The following TET3 variants were observed in gnomAD, a reference collection of about 807,000 sequenced individuals.
TET3 encodes tet methylcytosine dioxygenase 3, also known as methylcytosine dioxygenase TET3.
Under a neutral mutation model 141.4 loss-of-function variants are expected in TET3, and 19 were observed. The observed-to-expected ratio is 0.13, with a 90% CI of 0.09 to 0.20. The LOEUF (loss-of-function observed/expected upper bound fraction) is 0.20. Among genes scored for constraint, TET3 ranks in the 10% least tolerant of loss-of-function variants. The pLI, the probability that TET3 is intolerant of heterozygous loss-of-function variation, is 1.00. For synonymous variants in TET3, 1,043 were observed against 980.9 expected, an observed-to-expected ratio of 1.06 and a Z score of -1.18; for missense variants, 1,874 against 2,356.9, an observed-to-expected ratio of 0.80 and a Z score of 4.24.
At chr2:74,008,188 G>A (rs1258337175) in intron 3 of TET3, among the ~76,000 whole-genome samples, 2 of 152,030 alleles carry the variant, frequency 1.3e-5, no homozygotes, top group African/African-American at 4.8e-5. Flanking sequence ...CCTCCATCTT[G>A]GGGACAAAGC....
intron 3 of TET3, among the ~76,000 whole-genome samples, chr2:74,006,083 G>T (rs1685136141): frequency 7.7e-6 from 1 of 130,398 alleles, no homozygotes; most frequent in African/African-American, 4.2e-5. Flanking sequence ...TTTGACCACT[G>T]CAAAAAAAAA....
chr2:73,990,729 A>G (rs6546883), intron 2 of TET3, among the ~76,000 whole-genome samples: 13,874 of 152,254 alleles, frequency 0.091, 1,557 homozygotes, highest in African/African-American at 0.25. Flanking sequence ...GATCTCTGCC[A>G]GATTTGAGTC....
chr2:74,018,918 CT>C (rs1685879960), intron 3 of TET3, among the ~76,000 whole-genome samples: 1 of 152,104 alleles, frequency 6.6e-6, no homozygotes, highest in Non-Finnish European at 1.5e-5. Context: ...GGAAGTAGAC[CT>C]TTCCGTTTAT....
chr2:74,072,527 A>G (rs75251878), intron 4 of TET3, among the ~76,000 whole-genome samples: 2 of 152,050 alleles, frequency 1.3e-5, no homozygotes, highest in Non-Finnish European at 2.9e-5. Context: ...AAAAAAAAAA[A>G]ATGTTTTCAA....
intron 3 of TET3, among the ~76,000 whole-genome samples, chr2:74,032,919 G>A (rs1686833784): frequency 6.6e-6 from 1 of 151,874 alleles, no homozygotes; most frequent in Non-Finnish European, 1.5e-5. Context: ...ATGGGTGGGA[G>A]TTTCAGGCTT....
upstream of TET3, among the ~76,000 whole-genome samples, chr2:73,984,136 GA>G (rs1683878930): frequency 1.3e-5 from 2 of 152,224 alleles, no homozygotes; most frequent in Non-Finnish European, 2.9e-5. The surrounding 1 kb of genome is among the most constrained non-coding windows in gnomAD (Gnocchi z 5.6). Flanking sequence ...GAGGCTGTCC[GA>G]GGCCCTCCTG....
chr2:74,024,588 A>G lies in TET3; in HGVS notation c.360+21422A>G, dbSNP rs926053980. 2.5e-4 allele frequency among the ~76,000 whole-genome samples: 38 copies of G among 151,960 alleles called. 1 individual carries two copies. The highest frequency in any genetic ancestry group is 2.4e-3 in the Admixed American group (37 of 15,260). On this transcript the variant is annotated intron_variant, in intron 3 of 11. Coordinates refer to ENST00000409262, the MANE Select transcript of TET3 (RefSeq NM_001287491.2). ...TGTTAGATGAGCTGAGGGCTGGTGGAAGGGGGATGGGATTAAGTCAGAGAA... is the reference window on the plus strand; with the variant it reads ...TGTTAGATGAGCTGAGGGCTGGTGGGAGGGGGATGGGATTAAGTCAGAGAA...
intron 2 of TET3, among the ~76,000 whole-genome samples, chr2:73,988,989 A>ATT (rs1558689017): frequency 3.1e-5 from 4 of 128,946 alleles, no homozygotes; most frequent in East Asian, 2.4e-4. Context: ...AAAAAAAAAA[A>ATT]GTTTTTTTTG....
At chr2:74,068,218 C>T (rs1458425315) in intron 4 of TET3, among the ~76,000 whole-genome samples, 1 of 151,992 alleles carries the variant, frequency 6.6e-6, no homozygotes, top group Non-Finnish European at 1.5e-5. Flanking sequence ...TACTGGAACA[C>T]AGCTGAACTC....
At chr2:74,058,591 T>G (rs142722171) in intron 4 of TET3, among the ~76,000 whole-genome samples, 1 of 152,264 alleles carries the variant, frequency 6.6e-6, no homozygotes, top group East Asian at 1.9e-4. Context: ...TTTTTAAATT[T>G]TTTTCTTTTT....
At chr2:74,003,045 C>G in intron 2 of TET3, 65 bp from the exon 3 acceptor site, 1 of 1,530,672 alleles carries the variant, frequency 6.5e-7, no homozygotes, top group Non-Finnish European at 8.9e-7. Context: ...GGGGCTGTAG[C>G]AGGAGGACTT....
chr2:74,100,982 A>G lies in TET3; in HGVS notation c.4194A>G (p.Gln1398=). 6.2e-7 allele frequency: 1 copy of G among 1,612,636 alleles called. No homozygotes were observed. The highest frequency in any genetic ancestry group is 8.5e-7 in the Non-Finnish European group (1 of 1,179,408). ...ACTGCTACAACAGATCCATCAAGCAAGAGCCAGTAGACCCGCTGACCCAGG... is the reference window on the plus strand; with the variant it reads ...ACTGCTACAACAGATCCATCAAGCAGGAGCCAGTAGACCCGCTGACCCAGG... ...SSNCYNRSIK[Q]EPVDPLTQAE... The change falls in exon 12 of 12, where the codon CAA becomes CAG. Residue 1398 remains glutamine (Q), a synonymous_variant. Coordinates refer to ENST00000409262, the MANE Select transcript of TET3 (RefSeq NM_001287491.2).
chr2:74,114,209 C>A, the TET3 span, among the ~76,000 whole-genome samples: 1 of 151,912 alleles, frequency 6.6e-6, no homozygotes, highest in African/African-American at 2.4e-5. Context: ...GGGGAAAGGA[C>A]AATCTTTTGA....
At position 74,102,135 on chromosome 2, in the gene TET3, G is replaced by T; in HGVS notation, c.5347G>T (p.Ala1783Ser). The T allele has an allele frequency of 6.8e-7, 1 of 1,480,182 alleles. No homozygotes were observed. The allele number at this position is 1,480,182 out of a possible 1,614,324, so 91.7% of individuals were successfully genotyped here. ...TDSAVTVSSY[A>S]YTKVTGPYSR... ...CTCGGCGGTCACCGTGTCCTCCTAT[G>T]CCTACACGAAGGTCACTGGCCCCTA... The change falls in exon 12 of 12, where the codon GCC becomes TCC. Residue 1783 changes from alanine to serine, a missense_variant. Ala to Ser is a moderately conservative substitution (Grantham distance 99). This residue lies in a region of TET3 where 113 missense variants were observed against 114.3 expected (regional missense o/e 0.99). Transcript: ENST00000409262.
rs1023337942 is a variant in TET3, at chr2:74,107,427, C to G, written c.*5251C>G. ...GCTCCCTCTTCGCGTTTTGACTACC[C>G]GTCATTCAGGGGTAACTCATCACTC... On this transcript the variant is annotated 3_prime_UTR_variant, in exon 12 of 12. Transcript: ENST00000409262. 6 of 152,156 alleles carry G rather than the reference C, an allele frequency of 3.9e-5. No individual in the cohort carries two copies. The highest frequency in any genetic ancestry group is 8.8e-5 in the Non-Finnish European group (6 of 68,038). The allele number at this position is 152,156 out of a possible 1,614,324, so 9.4% of individuals were successfully genotyped here. A position where few individuals can be genotyped will look rare whatever the true frequency, so the allele number is the denominator to read the frequency against.
intron 4 of TET3, among the ~76,000 whole-genome samples, chr2:74,059,182 C>A (rs569656555): frequency 3.3e-5 from 5 of 152,252 alleles, no homozygotes; most frequent in Non-Finnish European, 7.3e-5. Context: ...TATGCTCTTT[C>A]ATATTTTGGC....
intron 5 of TET3, among the ~76,000 whole-genome samples, chr2:74,074,953 G>T (rs1689417592): frequency 6.6e-6 from 1 of 151,968 alleles, no homozygotes; most frequent in African/African-American, 2.4e-5. Context: ...CTCACTGCAA[G>T]CTCCGCCTCC....
chr2:74,072,624 AT>A (rs1689273706), intron 4 of TET3, among the ~76,000 whole-genome samples: 1 of 152,186 alleles, frequency 6.6e-6, no homozygotes, highest in Non-Finnish European at 1.5e-5. Context: ...CATTTTAATC[AT>A]GTTTATGTGT....
intron 3 of TET3, among the ~76,000 whole-genome samples, chr2:74,031,038 A>T (rs151025001): frequency 5.1e-4 from 78 of 151,986 alleles, no homozygotes; most frequent in African/African-American, 1.7e-3. Context: ...TGTAAATGTG[A>T]TGGGCTTAAG....
Sources: gnomAD v4.1 joint callset for allele counts (sites outside exome capture counted in the v4.1 genomes callset) on GRCh38, gnomAD v4.1.1 for gene constraint, gnomAD v4.1.1 regional missense constraint, Gnocchi (gnomAD v3.1) non-coding constraint, MANE v1.5 for transcripts, NCBI Gene and HGNC (gene_info 2026-07-23, HGNC 2026-07-21) for gene names.